Variants in PPARGC1A observed in about 807,000 individuals in gnomAD.
PPARGC1A encodes the protein peroxisome proliferator-activated receptor gamma coactivator 1-alpha.
Under a neutral mutation model 88.7 loss-of-function variants are expected in PPARGC1A, and 25 were observed. The observed-to-expected ratio is 0.28, with a 90% CI of 0.21 to 0.39. PPARGC1A has a LOEUF of 0.39. PPARGC1A is among the 10% of genes least tolerant of loss of function. The pLI is 1.00. For missense variants in PPARGC1A, 880 were observed against 968.7 expected (o/e 0.91, Z 1.22); for synonymous variants, 363 against 355.6 (o/e 1.02, Z -0.24).
chr4:23,914,808 C>T, the PPARGC1A span, among the ~76,000 whole-genome samples: 5 of 152,154 alleles, frequency 3.3e-5, no homozygotes, highest in Admixed American at 1.3e-4. Flanking sequence ...CTGACACAAA[C>T]AAAAAGCATT....
At chr4:23,946,471 T>C in the PPARGC1A span, among the ~76,000 whole-genome samples, 2 of 152,036 alleles carry the variant, frequency 1.3e-5, no homozygotes, top group Non-Finnish European at 2.9e-5. Flanking sequence ...GCTTGAAGAA[T>C]GGCCTCGCGC....
At chr4:24,021,192 C>G in the PPARGC1A span, among the ~76,000 whole-genome samples, 1 of 152,188 alleles carries the variant, frequency 6.6e-6, no homozygotes, top group Non-Finnish European at 1.5e-5. Context: ...AGAGGCTCTG[C>G]GGACTGTGCA....
chr4:23,901,108 C>T (rs954080130), upstream of PPARGC1A, among the ~76,000 whole-genome samples: 1 of 152,102 alleles, frequency 6.6e-6, no homozygotes, highest in East Asian at 1.9e-4. Flanking sequence ...TGGCTCATGC[C>T]TGTAATCCCA....
the PPARGC1A span, among the ~76,000 whole-genome samples, chr4:23,996,749 T>C: frequency 1.3e-5 from 2 of 152,192 alleles, no homozygotes; most frequent in African/African-American, 4.8e-5. Context: ...TCACAACTAC[T>C]CAACTCTGCC....
the PPARGC1A span, among the ~76,000 whole-genome samples, chr4:24,145,928 T>C: frequency 6.6e-6 from 1 of 152,202 alleles, no homozygotes; most frequent in African/African-American, 2.4e-5. Context: ...GAGTCTTACA[T>C]TTCAATGTTG....
At chr4:24,185,913 T>A in the PPARGC1A span, among the ~76,000 whole-genome samples, 1 of 150,438 alleles carries the variant, frequency 6.6e-6, no homozygotes, top group African/African-American at 2.4e-5. Flanking sequence ...TATAATAAAG[T>A]GGTAAAAGCA....
chr4:24,099,861 G>T, the PPARGC1A span, among the ~76,000 whole-genome samples: 3 of 151,452 alleles, frequency 2.0e-5, no homozygotes, highest in African/African-American at 7.3e-5. Context: ...GTGAGCTAAG[G>T]CTGCGTTACT....
the PPARGC1A span, among the ~76,000 whole-genome samples, chr4:24,404,672 G>A: frequency 5.0e-4 from 76 of 152,264 alleles, no homozygotes; most frequent in African/African-American, 1.8e-3. Context: ...CAGGCATTAG[G>A]ACGTGGCAAA....
At chr4:24,453,482 T>C in the PPARGC1A span, among the ~76,000 whole-genome samples, 1 of 152,076 alleles carries the variant, frequency 6.6e-6, no homozygotes, top group Admixed American at 6.5e-5. Context: ...TGTAGTAAAT[T>C]ATAAAAGTGG....
the PPARGC1A span, among the ~76,000 whole-genome samples, chr4:24,206,695 C>T: frequency 6.6e-6 from 1 of 151,754 alleles, no homozygotes; most frequent in African/African-American, 2.4e-5. Context: ...AAAATAATAG[C>T]TGGGGGTAGT....
the PPARGC1A span, among the ~76,000 whole-genome samples, chr4:23,967,497 C>A: frequency 2.0e-5 from 3 of 152,064 alleles, no homozygotes; most frequent in Admixed American, 6.6e-5. Context: ...ATTAGTCTGC[C>A]GACTCGGGAA....
At position 23,824,343 on chromosome 4, in the gene PPARGC1A, C is replaced by G. The variant is rs776674773; in HGVS notation, c.814G>C (p.Gly272Arg). The G allele has an allele frequency of 5.0e-6, 8 of 1,613,074 alleles. No homozygotes were observed. Among genetic ancestry groups the G allele is most frequent in the African/African-American group, 1.3e-5 (1 of 74,762 alleles). The change falls in exon 7 of 13, where the codon GGT becomes CGT. Residue 272 changes from glycine to arginine, a missense_variant. Physicochemically the swap from Gly to Arg is moderately radical, Grantham distance 125 (BLOSUM62 -2). Coordinates refer to ENST00000264867, the MANE Select transcript of PPARGC1A (RefSeq NM_013261.5). ...ATAGTCTTGTTCTCAAATGGGGAAC[C>G]CTTGGGGTCACTGGAAGATATGGCA... ...LTPESPNDPK[G>R]SPFENKTIER...
chr4:24,210,992 T>A, the PPARGC1A span, among the ~76,000 whole-genome samples: 1 of 152,178 alleles, frequency 6.6e-6, no homozygotes, highest in Non-Finnish European at 1.5e-5. Context: ...GCACTTCAGA[T>A]TTTTTAAAAC....
the PPARGC1A span, among the ~76,000 whole-genome samples, chr4:24,418,641 G>A: frequency 6.6e-6 from 1 of 152,032 alleles, no homozygotes; most frequent in South Asian, 2.1e-4. Flanking sequence ...ATGTGCCAAA[G>A]AGTTTGATCA....
chr4:23,869,787 G>T (rs1359741154), intron 2 of PPARGC1A, among the ~76,000 whole-genome samples: 1 of 152,152 alleles, frequency 6.6e-6, no homozygotes, highest in Non-Finnish European at 1.5e-5. Flanking sequence ...TGAGGACTGG[G>T]TAGGATAAAT....
intron 1 of PPARGC1A, among the ~76,000 whole-genome samples, chr4:23,897,193 T>C (rs1046559244): frequency 2.6e-5 from 4 of 152,224 alleles, no homozygotes; most frequent in African/African-American, 9.6e-5. Context: ...TTCCTACACA[T>C]GGGTGTTTGT....
chr4:24,244,884 C>T, the PPARGC1A span, among the ~76,000 whole-genome samples: 1 of 152,160 alleles, frequency 6.6e-6, no homozygotes, highest in Non-Finnish European at 1.5e-5. Flanking sequence ...CAACTTGTGA[C>T]CTTCTATATT....
chr4:23,947,470 G>A, the PPARGC1A span, among the ~76,000 whole-genome samples: 9 of 149,568 alleles, frequency 6.0e-5, no homozygotes, highest in Non-Finnish European at 5.9e-5. Flanking sequence ...CTGCTGGTAA[G>A]AAGTGAAGCT....
At chr4:23,873,528 G>A (rs1361304881) in intron 2 of PPARGC1A, among the ~76,000 whole-genome samples, 1 of 152,170 alleles carries the variant, frequency 6.6e-6, no homozygotes, top group South Asian at 2.1e-4. Context: ...TGGTCTCTGA[G>A]TTTCTCCGTA....
Sources: allele counts gnomAD v4.1 joint callset (sites outside exome capture counted in the v4.1 genomes callset), GRCh38; gene constraint gnomAD v4.1.1; transcripts MANE v1.5; gene names NCBI Gene and HGNC (gene_info 2026-07-23, HGNC 2026-07-21).